WDR7: variants seen among roughly 807,000 people sequenced by gnomAD.
The protein encoded by WDR7 is WD repeat-containing protein 7.
A neutral mutation model predicts 169.4 loss-of-function variants in WDR7; 46 were observed. The observed-to-expected ratio is 0.27, with a 90% confidence interval of 0.21 to 0.35. The LOEUF is 0.35. WDR7 is among the 10% of genes least tolerant of loss of function. The pLI, the probability that WDR7 is intolerant of heterozygous loss-of-function variation, is 1.00. For missense variants in WDR7, 1,534 were observed against 1,859.3 expected, an observed-to-expected ratio of 0.83 and a Z score of 3.22; for synonymous variants, 612 against 666.8, an observed-to-expected ratio of 0.92 and a Z score of 1.27.
At position 56,882,951 on chromosome 18, in the gene WDR7, G is replaced by A. The variant is rs1031269353; in HGVS notation, c.3526+2786G>A. 3.9e-5 allele frequency among the ~76,000 whole-genome samples: 6 copies of A among 152,060 alleles called. No homozygotes were observed. The East Asian group carries it at 5.8e-4, about 15-fold the overall frequency. On this transcript the variant is annotated intron_variant, in intron 21 of 27. Transcript: ENST00000254442. Reference sequence around the variant, plus strand: ...TATAAATGTAGGAACGGCTGGGCGCGGTGGCTCACACCTGTAATCCCAGCA... The same window carrying A: ...TATAAATGTAGGAACGGCTGGGCGCAGTGGCTCACACCTGTAATCCCAGCA...
At chr18:56,711,518 T>C (rs1159702139) in intron 12 of WDR7, among the ~76,000 whole-genome samples, 1 of 152,118 alleles carries the variant, frequency 6.6e-6, no homozygotes, top group Non-Finnish European at 1.5e-5. Context: ...AATTATAGAG[T>C]TCTAATTAGC....
intron 26 of WDR7, among the ~76,000 whole-genome samples, chr18:56,988,003 G>A (rs2047749502): frequency 2.0e-5 from 3 of 152,076 alleles, no homozygotes; most frequent in Non-Finnish European, 4.4e-5. Flanking sequence ...AATAATCTGG[G>A]AATGCAGACT....
chr18:56,862,927 G>A (rs990837391), intron 20 of WDR7, among the ~76,000 whole-genome samples: 3 of 151,750 alleles, frequency 2.0e-5, no homozygotes, highest in Admixed American at 2.0e-4. Flanking sequence ...CTATAATTTA[G>A]AATAGTGTGT....
At chr18:56,935,640 C>T (rs867834476) in intron 22 of WDR7, 148 bp from the exon 23 acceptor site, 46 of 714,678 alleles carry the variant, frequency 6.4e-5, no homozygotes, top group Non-Finnish European at 1.1e-4. Context: ...GACTCCTAAT[C>T]ACTGCCCATT....
intron 16 of WDR7, among the ~76,000 whole-genome samples, chr18:56,773,889 C>T (rs1439978416): frequency 1.3e-5 from 2 of 151,968 alleles, no homozygotes; most frequent in African/African-American, 4.8e-5. Flanking sequence ...CATGTTTTCT[C>T]TTTCTTCTCT....
At chr18:56,816,624 C>A (rs1011613775) in intron 20 of WDR7, among the ~76,000 whole-genome samples, 1 of 152,184 alleles carries the variant, frequency 6.6e-6, no homozygotes, top group Admixed American at 6.5e-5. Context: ...ACATTCTTAT[C>A]TGTATTACCT....
intron 13 of WDR7, among the ~76,000 whole-genome samples, chr18:56,726,995 C>G (rs1426714213): frequency 2.6e-5 from 4 of 152,094 alleles, no homozygotes; most frequent in Non-Finnish European, 5.9e-5. Context: ...TTCTGTGGAG[C>G]TTTCTTCACC....
At chr18:56,974,639 G>A (rs72930733) in intron 26 of WDR7, among the ~76,000 whole-genome samples, 3,176 of 152,246 alleles carry the variant, frequency 0.021, 48 homozygotes, top group Middle Eastern at 0.048. Context: ...CACCAGTTAG[G>A]ATATGTGACA....
intron 14 of WDR7, among the ~76,000 whole-genome samples, chr18:56,743,526 C>T (rs929346376): frequency 5.3e-5 from 8 of 152,004 alleles, no homozygotes; most frequent in South Asian, 2.1e-4. Context: ...GTGTCAAATG[C>T]AGTAGATGTT....
At chr18:56,750,607 G>A (rs544525159) in intron 14 of WDR7, among the ~76,000 whole-genome samples, 7 of 152,272 alleles carry the variant, frequency 4.6e-5, no homozygotes, top group Admixed American at 6.5e-5. Context: ...AGGTAGCAGC[G>A]GAAACATACT....
chr18:56,919,314 C>T (rs547096766), intron 21 of WDR7, among the ~76,000 whole-genome samples: 2 of 152,190 alleles, frequency 1.3e-5, no homozygotes, highest in Admixed American at 6.5e-5. Context: ...TTGTCCTTCA[C>T]CCTCCTCCCA....
At chr18:56,910,628 C>T (rs868761219) in intron 21 of WDR7, among the ~76,000 whole-genome samples, 86 of 151,986 alleles carry the variant, frequency 5.7e-4, no homozygotes, top group African/African-American at 1.9e-3. Context: ...GTGAGAAGTT[C>T]CAAAAACATC....
At chr18:56,651,723 C>G (rs1461171999) in intron 1 of WDR7, 147 bp downstream of exon 1, 1 of 152,434 alleles carries the variant, frequency 6.6e-6, no homozygotes, top group Non-Finnish European at 1.5e-5. Context: ...TGCAAGCCTG[C>G]AGGTCGGGCC....
chr18:56,665,612 T>C (rs2025003497), intron 1 of WDR7, among the ~76,000 whole-genome samples: 1 of 152,188 alleles, frequency 6.6e-6, no homozygotes, highest in Admixed American at 6.5e-5. Context: ...TAAAGCTCTA[T>C]CATAATTTAT....
chr18:56,755,798 A>AG (rs752624535), intron 14 of WDR7, among the ~76,000 whole-genome samples: 2 of 152,180 alleles, frequency 1.3e-5, no homozygotes, highest in African/African-American at 2.4e-5. Context: ...ACTTACCAGG[A>AG]GGTACTCTCC....
At chr18:56,936,840 A>G (rs2046966866) in intron 23 of WDR7, among the ~76,000 whole-genome samples, 1 of 152,242 alleles carries the variant, frequency 6.6e-6, no homozygotes, top group Admixed American at 6.5e-5. Flanking sequence ...GCATTTTTCT[A>G]ATAGTGCATA....
chr18:56,673,326 G>C (rs952039013), intron 2 of WDR7, among the ~76,000 whole-genome samples: 1 of 152,172 alleles, frequency 6.6e-6, no homozygotes, highest in Non-Finnish European at 1.5e-5. Flanking sequence ...TGGAGTGGTA[G>C]CTGGTATGGA....
At chr18:56,986,385 A>C (rs2047720292) in intron 26 of WDR7, among the ~76,000 whole-genome samples, 1 of 152,156 alleles carries the variant, frequency 6.6e-6, no homozygotes, top group Admixed American at 6.6e-5. Context: ...ACACTTTGAC[A>C]TTTTGAAATG....
chr18:56,998,482 CTCTA>C (rs1169495811), intron 26 of WDR7, among the ~76,000 whole-genome samples: 1 of 152,256 alleles, frequency 6.6e-6, no homozygotes, highest in South Asian at 2.1e-4. Context: ...AAGAGTTAAA[CTCTA>C]TCAGCAGACT....
Sources: allele counts gnomAD v4.1 joint callset (sites outside exome capture counted in the v4.1 genomes callset), GRCh38; gene constraint gnomAD v4.1.1; transcripts MANE v1.5; gene names NCBI Gene and HGNC (gene_info 2026-07-23, HGNC 2026-07-21).